Variants in CLCA1 observed in about 807,000 individuals in gnomAD.
The protein encoded by CLCA1 is calcium-activated chloride channel regulator 1.
CLCA1 carries 59 observed loss-of-function variants against 85.6 expected under a neutral mutation model. The ratio of observed to expected loss-of-function variants is 0.69; its 90% confidence interval spans 0.56 to 0.86. The LOEUF (loss-of-function observed/expected upper bound fraction) is 0.86. Among genes scored for constraint, CLCA1 ranks in the 40% least tolerant of loss-of-function variants. The pLI is 0.00. For missense variants in CLCA1, 1,022 were observed against 1,101.4 expected (o/e 0.93, Z 1.02); for synonymous variants, 396 against 398.3 (o/e 0.99, Z 0.07).
At chr1:86,485,311 C>G in intron 5 of CLCA1, 32 bp from the exon 6 acceptor site, 1 of 1,487,596 alleles carries the variant, frequency 6.7e-7, no homozygotes, top group Non-Finnish European at 9.4e-7. Flanking sequence ...CATAGTTTAC[C>G]ATTATCTATA....
chr1:86,496,359 C>T (rs1255234148), intron 12 of CLCA1, among the ~76,000 whole-genome samples: 1 of 152,176 alleles, frequency 6.6e-6, no homozygotes, highest in Non-Finnish European at 1.5e-5. Context: ...TCTCCTCCTG[C>T]TCAGGCCAGG....
At position 86,497,026 on chromosome 1, in the gene CLCA1, C is replaced by T. The variant is rs5744420; in HGVS notation, c.2113+1351C>T. 6.1e-3 allele frequency among the ~76,000 whole-genome samples: 935 copies of T among 152,334 alleles called. 9 individuals carry two copies. Among genetic ancestry groups the T allele is most frequent in the African/African-American group, 0.021 (874 of 41,566 alleles). On this transcript the variant is annotated intron_variant, in intron 12 of 13. Coordinates refer to ENST00000394711, the MANE Select transcript of CLCA1 (RefSeq NM_001285.4). ...TACAGGCGTAAGCCACCGTGCCCAG[C>T]CCATGCCACTGCTTTTTGAGTTAGG...
Position 86,483,165 on chromosome 1 carries a change from T to C in CLCA1, c.735+783T>C, listed in dbSNP as rs537603937. 5.3e-5 allele frequency among the ~76,000 whole-genome samples: 8 copies of C among 152,296 alleles called. No individual in the cohort carries two copies. The South Asian group carries it at 1.4e-3, about 28-fold the overall frequency. On this transcript the variant is annotated intron_variant, in intron 5 of 13. Coordinates refer to ENST00000394711, the MANE Select transcript of CLCA1 (RefSeq NM_001285.4). ...CTCACCAGGCCCATCGTCCTTCAATTTGGCATTGCAGTCCATTCCCAGGCC... is the reference window on the plus strand; with the variant it reads ...CTCACCAGGCCCATCGTCCTTCAATCTGGCATTGCAGTCCATTCCCAGGCC...
chr1:86,498,410 G>A (rs900869671), intron 12 of CLCA1, among the ~76,000 whole-genome samples, 162 bp from the exon 13 acceptor site: 2 of 149,740 alleles, frequency 1.3e-5, no homozygotes, highest in South Asian at 2.2e-4. Context: ...TGATGAAACC[G>A]TATTTGTGGT....
intron 4 of CLCA1, among the ~76,000 whole-genome samples, chr1:86,478,821 C>T (rs1299156527): frequency 1.3e-5 from 2 of 152,148 alleles, no homozygotes; most frequent in Non-Finnish European, 2.9e-5. Context: ...ATATGTATTG[C>T]TCATTATCTT....
At chr1:86,491,108 A>G (rs1000389931) in intron 8 of CLCA1, among the ~76,000 whole-genome samples, 157 bp from the exon 9 acceptor site, 62 of 152,126 alleles carry the variant, frequency 4.1e-4, no homozygotes, top group African/African-American at 1.4e-3. Flanking sequence ...AATACTATCA[A>G]ATTCTGAGTT....
chr1:86,491,153 A>G (rs1396498958), intron 8 of CLCA1, 112 bp from the exon 9 acceptor site: 1 of 648,728 alleles, frequency 1.5e-6, no homozygotes, highest in Non-Finnish European at 2.7e-6. Flanking sequence ...ATCTATTTAT[A>G]CTTTAATAAC....
Position 86,473,875 on chromosome 1 carries a change from A to G in CLCA1, c.450A>G (p.Gln150=), listed in dbSNP as rs1025408344. The stretch of plus-strand genomic sequence containing the variant: ...AAAAGTTAGCTGAATATGGACCACA[A>G]GGTATGAAATATTCTACCATACTTC... The part of the protein sequence containing the change: ...AGKKLAEYGP[Q]GRAFVHEWAH... The change falls in exon 3 of 14, where the codon CAA becomes CAG. Residue 150 remains glutamine, a splice_region_variant and synonymous_variant. Coordinates refer to ENST00000394711, the MANE Select transcript of CLCA1 (RefSeq NM_001285.4). 1 of 1,597,788 alleles carries G rather than the reference A, an allele frequency of 6.3e-7. No individual in the cohort carries two copies. Among genetic ancestry groups the G allele is most frequent in the South Asian group, 1.1e-5 (1 of 88,336 alleles).
chr1:86,474,541 G>A (rs1163392720), intron 3 of CLCA1, among the ~76,000 whole-genome samples: 2 of 144,870 alleles, frequency 1.4e-5, no homozygotes, highest in South Asian at 2.4e-4. Flanking sequence ...GCGACAGAGC[G>A]AGACTCCGTA....
Position 86,476,480 on chromosome 1 carries a change from C to T in CLCA1, c.484C>T (p.Arg162Ter), listed in dbSNP as rs189212104. The T allele has an allele frequency of 2.5e-6, 4 of 1,604,086 alleles. No individual in the cohort carries two copies. Among genetic ancestry groups the T allele is most frequent in the Admixed American group, 1.7e-5 (1 of 59,928 alleles). ...RAFVHEWAHL[R>*]WGVFDEYNND... ...ATTTGTCCATGAGTGGGCTCATCTACGATGGGGAGTATTTGACGAGTACAA... is the reference window on the plus strand; with the variant it reads ...ATTTGTCCATGAGTGGGCTCATCTATGATGGGGAGTATTTGACGAGTACAA... The change falls in exon 4 of 14, where the codon CGA (arginine) becomes TGA (stop). Residue 162 changes from arginine to a stop codon, truncating the protein, a stop_gained. Transcript: ENST00000394711. LOFTEE classifies it high-confidence loss of function.
chr1:86,478,356 G>C (rs2101731917), intron 4 of CLCA1, among the ~76,000 whole-genome samples: 1 of 151,350 alleles, frequency 6.6e-6, no homozygotes, highest in East Asian at 2.0e-4. Flanking sequence ...GAACCCGGGA[G>C]GCGGAAGTTG....
intron 4 of CLCA1, among the ~76,000 whole-genome samples, chr1:86,480,727 C>A (rs1034284921): frequency 2.0e-5 from 3 of 152,174 alleles, no homozygotes; most frequent in Non-Finnish European, 2.9e-5. Flanking sequence ...GGATGAGATT[C>A]ATTTATTGTC....
At chr1:86,472,758 C>CT (rs1190847489) in intron 1 of CLCA1, among the ~76,000 whole-genome samples, 1 of 152,032 alleles carries the variant, frequency 6.6e-6, no homozygotes, top group Non-Finnish European at 1.5e-5. Flanking sequence ...TCTATCAGCA[C>CT]TTGGCAAAGT....
At chr1:86,488,399 C>T (rs1276464229) in intron 7 of CLCA1, among the ~76,000 whole-genome samples, 1 of 152,040 alleles carries the variant, frequency 6.6e-6, no homozygotes, top group Non-Finnish European at 1.5e-5. Context: ...CCAAATATAC[C>T]AGGAGTAGTT....
chr1:86,486,210 T>A (rs929036228), intron 6 of CLCA1, among the ~76,000 whole-genome samples: 4 of 152,326 alleles, frequency 2.6e-5, no homozygotes, highest in Non-Finnish European at 4.4e-5. Flanking sequence ...CAATTTGAGA[T>A]GAGATTTGGT....
At chr1:86,477,245 G>A (rs751434933) in intron 4 of CLCA1, among the ~76,000 whole-genome samples, 4 of 152,164 alleles carry the variant, frequency 2.6e-5, no homozygotes, top group African/African-American at 9.7e-5. Flanking sequence ...TGACATCATG[G>A]TGGCGTGAGC....
At chr1:86,497,139 G>A (rs1207748901) in intron 12 of CLCA1, among the ~76,000 whole-genome samples, 3 of 152,204 alleles carry the variant, frequency 2.0e-5, no homozygotes, top group Non-Finnish European at 4.4e-5. Context: ...ATTCTTGTAA[G>A]TATCCCTTTT....
chr1:86,482,450 C>A, intron 5 of CLCA1, 68 bp downstream of exon 5: 1 of 1,415,778 alleles, frequency 7.1e-7, no homozygotes, highest in Non-Finnish European at 9.7e-7. Flanking sequence ...ACTCCAAGTG[C>A]TCCAAGGGAG....
intron 1 of CLCA1, among the ~76,000 whole-genome samples, chr1:86,472,779 G>T (rs1439111204): frequency 2.0e-5 from 3 of 151,950 alleles, no homozygotes; most frequent in Non-Finnish European, 4.4e-5. Context: ...TTAAAAAAAA[G>T]AAAAATGAAT....
Sources: gnomAD v4.1 joint callset for allele counts (sites outside exome capture counted in the v4.1 genomes callset) on GRCh38, gnomAD v4.1.1 for gene constraint, MANE v1.5 for transcripts, NCBI Gene and HGNC (gene_info 2026-07-23, HGNC 2026-07-21) for gene names.